The following RARB variants were observed in gnomAD, a reference collection of about 807,000 sequenced individuals.
The protein encoded by RARB is retinoic acid receptor beta.
Under a neutral mutation model 51.9 loss-of-function variants are expected in RARB, and 17 were observed. The ratio of observed to expected loss-of-function variants is 0.33; its 90% confidence interval spans 0.22 to 0.49. The LOEUF (loss-of-function observed/expected upper bound fraction) is 0.49. Ranked by LOEUF, RARB falls within the 20% of genes least tolerant of loss-of-function variation. The probability of loss-of-function intolerance (pLI) is 0.99; values close to 1 mark genes in which losing one functional copy is unlikely to be tolerated. For synonymous variants in RARB, 215 were observed against 195.4 expected (o/e 1.10, Z -0.84); for missense variants, 369 against 550.8 (o/e 0.67, Z 3.30).
At chr3:25,350,727 A>G (rs112151053) in intron 5 of RARB, among the ~76,000 whole-genome samples, 1 of 152,214 alleles carries the variant, frequency 6.6e-6, no homozygotes, top group African/African-American at 2.4e-5. Context: ...TATTGCATGA[A>G]TGATTATATA....
intron 1 of RARB, among the ~76,000 whole-genome samples, chr3:24,834,731 A>G (rs1163993279): frequency 6.6e-6 from 1 of 152,208 alleles, no homozygotes; most frequent in Non-Finnish European, 1.5e-5. Flanking sequence ...TCAATTTTCT[A>G]GGGATAGAAG....
At position 24,974,349 on chromosome 3, in the gene RARB, G is replaced by C. The variant is rs573265791; in HGVS notation, c.-379-85776G>C. 4.6e-5 allele frequency among the ~76,000 whole-genome samples: 7 copies of C among 152,136 alleles called. No individual in the cohort carries two copies. The East Asian group carries it at 1.4e-3, about 29-fold the overall frequency. ...AATTTAGTTTGCCTAGTATTTTATT[G>C]AGGATTCTTGCATCATGAATAAGTA... On this transcript the variant is annotated intron_variant, in intron 2 of 11. Transcript: ENST00000383772.
At chr3:25,358,818 G>A (rs549944809) in intron 5 of RARB, among the ~76,000 whole-genome samples, 15 of 152,162 alleles carry the variant, frequency 9.9e-5, no homozygotes, top group African/African-American at 2.6e-4. Flanking sequence ...CTTGCATCCC[G>A]GGGATGAAGC....
intron 1 of RARB, among the ~76,000 whole-genome samples, chr3:25,448,575 C>A (rs1287442856): frequency 6.6e-6 from 1 of 152,130 alleles, no homozygotes; most frequent in East Asian, 1.9e-4. Context: ...TCAAGCAATT[C>A]TCCTGCCTCA....
At chr3:25,158,552 C>T (rs1184384507) in intron 4 of RARB, among the ~76,000 whole-genome samples, 1 of 152,004 alleles carries the variant, frequency 6.6e-6, no homozygotes, top group African/African-American at 2.4e-5. Context: ...ACTCTTCTTC[C>T]TTAAGATATA....
intron 5 of RARB, among the ~76,000 whole-genome samples, chr3:25,327,857 G>A (rs9833653): frequency 0.12 from 17,999 of 152,112 alleles, 1,126 homozygotes; most frequent in South Asian, 0.19. Flanking sequence ...CTAATAATGA[G>A]GTATATGAAA....
intron 5 of RARB, among the ~76,000 whole-genome samples, chr3:25,340,053 C>T (rs1179387675): frequency 1.3e-5 from 2 of 152,092 alleles, no homozygotes; most frequent in Non-Finnish European, 2.9e-5. Flanking sequence ...AGCCTACTAG[C>T]TATTGGTACA....
intron 5 of RARB, among the ~76,000 whole-genome samples, chr3:25,374,515 G>A (rs1327721310): frequency 6.6e-6 from 1 of 152,126 alleles, no homozygotes; most frequent in Non-Finnish European, 1.5e-5. Context: ...GTATAAGGGT[G>A]AGCTACCCCC....
At chr3:25,349,971 C>T (rs1450658119) in intron 5 of RARB, among the ~76,000 whole-genome samples, 1 of 151,756 alleles carries the variant, frequency 6.6e-6, no homozygotes, top group African/African-American at 2.4e-5. Flanking sequence ...TTGGCTGGGG[C>T]CTTGGTTTTC....
chr3:24,959,729 G>A (rs1437294079), intron 2 of RARB, among the ~76,000 whole-genome samples: 1 of 152,148 alleles, frequency 6.6e-6, no homozygotes, highest in African/African-American at 2.4e-5. Flanking sequence ...AATTGACAGT[G>A]TGATCTTTCC....
chr3:25,263,204 T>C lies in RARB; in HGVS notation c.178+88629T>C, dbSNP rs535186307. ...TGCTCTAGCCGATAATAAAATTATA[T>C]ATTGTAATAAAATTACATATTGTAT... On this transcript the variant is annotated intron_variant, in intron 5 of 11. Coordinates refer to the RARB transcript ENST00000383772. 2.2e-3 allele frequency among the ~76,000 whole-genome samples: 333 copies of C among 152,180 alleles called. 4 individuals are homozygous for C. Among genetic ancestry groups the C allele is most frequent in the African/African-American group, 7.6e-3 (314 of 41,424 alleles).
chr3:25,557,985 T>C (rs187186769), intron 3 of RARB, among the ~76,000 whole-genome samples: 2 of 152,288 alleles, frequency 1.3e-5, no homozygotes, highest in East Asian at 3.9e-4. Flanking sequence ...GCTTTGGATA[T>C]TTACATAGAA....
rs1210435636 is a variant in RARB, at chr3:24,884,946, C to T, written c.-380+26194C>T. Among the ~76,000 whole-genome samples the T allele has an allele frequency of 2.0e-5, 3 of 152,106 alleles. No homozygotes were observed. The East Asian group carries it at 5.8e-4, about 29-fold the overall frequency. On this transcript the variant is annotated intron_variant, in intron 2 of 11. Transcript: ENST00000383772. ...GCCATACTTCTTTTCCCCACACTCT[C>T]ATAGATAACAACTGCGTATTCAAAA...
At chr3:25,252,737 A>G (rs1702758312) in intron 5 of RARB, among the ~76,000 whole-genome samples, 2 of 152,184 alleles carry the variant, frequency 1.3e-5, no homozygotes, top group African/African-American at 4.8e-5. Context: ...TACTTCTAAT[A>G]AATTTTTTTG....
chr3:25,281,559 G>A (rs535514717), intron 5 of RARB, among the ~76,000 whole-genome samples: 3 of 152,300 alleles, frequency 2.0e-5, no homozygotes, highest in African/African-American at 7.2e-5. Context: ...CAAAAGGAAG[G>A]GGCAATAGGA....
At chr3:25,476,684 G>T (rs949016887) in intron 2 of RARB, among the ~76,000 whole-genome samples, 2 of 152,140 alleles carry the variant, frequency 1.3e-5, no homozygotes, top group Non-Finnish European at 2.9e-5. Flanking sequence ...AGACCCAGTC[G>T]TGGGCCTACA....
At chr3:24,873,007 C>T (rs1221907627) in intron 2 of RARB, among the ~76,000 whole-genome samples, 2 of 152,210 alleles carry the variant, frequency 1.3e-5, no homozygotes, top group East Asian at 1.9e-4. Context: ...GACCATACAT[C>T]CTCTTTTACA....
intron 2 of RARB, among the ~76,000 whole-genome samples, chr3:25,018,119 G>A (rs1417186093): frequency 6.6e-6 from 1 of 152,162 alleles, no homozygotes. Context: ...TAAGACACTT[G>A]CACAGAGGTA....
chr3:25,067,875 G>T (rs112287418), intron 3 of RARB, among the ~76,000 whole-genome samples: 6 of 151,916 alleles, frequency 3.9e-5, no homozygotes, highest in Non-Finnish European at 8.8e-5. Context: ...AGTGGCTCAC[G>T]CCTGTAATCC....
Sources: allele counts gnomAD v4.1 joint callset (sites outside exome capture counted in the v4.1 genomes callset), GRCh38; gene constraint gnomAD v4.1.1; transcripts MANE v1.5; gene names NCBI Gene and HGNC (gene_info 2026-07-23, HGNC 2026-07-21).